The following KCNH8 variants were observed in gnomAD, a reference collection of about 807,000 sequenced individuals.
KCNH8 encodes potassium voltage-gated channel subfamily H member 8.
A neutral mutation model predicts 103.6 loss-of-function variants in KCNH8; 70 were observed. The ratio of observed to expected loss-of-function variants is 0.68; its 90% CI spans 0.56 to 0.82. The LOEUF (loss-of-function observed/expected upper bound fraction) is 0.82. Among genes scored for constraint, KCNH8 ranks in the 40% least tolerant of loss-of-function variants. The pLI is 0.00. For missense variants in KCNH8, 1,217 were observed against 1,329.9 expected (o/e 0.92, Z 1.32); for synonymous variants, 498 against 489.4 (o/e 1.02, Z -0.23).
rs550640856 is a variant in KCNH8, at chr3:19,397,145, A to T, written c.1177+1834A>T. On this transcript the variant is annotated intron_variant, in intron 7 of 15. Transcript: ENST00000328405. Reference sequence around the variant, plus strand: ...ATTTATTTGTCAATTAAAAAAAAACAATCTGAATTGCTTCTATATTTACCC... The same window carrying T: ...ATTTATTTGTCAATTAAAAAAAAACTATCTGAATTGCTTCTATATTTACCC... 2.0e-5 allele frequency among the ~76,000 whole-genome samples: 3 copies of T among 152,006 alleles called. No homozygotes were observed. The South Asian group carries it at 6.2e-4, about 32-fold the overall frequency.
chr3:19,418,679 C>G (rs2066898511), intron 7 of KCNH8, among the ~76,000 whole-genome samples: 1 of 152,096 alleles, frequency 6.6e-6, no homozygotes, highest in African/African-American at 2.4e-5. Flanking sequence ...AGTATGACCC[C>G]TAAGACATAC....
intron 1 of KCNH8, among the ~76,000 whole-genome samples, chr3:19,223,254 A>G (rs2063895179): frequency 6.6e-6 from 1 of 152,144 alleles, no homozygotes; most frequent in Non-Finnish European, 1.5e-5. Flanking sequence ...ACTCTGTACT[A>G]AGGTCTCAAC....
At chr3:19,397,322 G>A (rs555807125) in intron 7 of KCNH8, among the ~76,000 whole-genome samples, 2 of 151,790 alleles carry the variant, frequency 1.3e-5, no homozygotes, top group Admixed American at 1.3e-4. Flanking sequence ...TGTCATCATG[G>A]TTCCATTGCT....
chr3:19,325,296 A>G (rs1314428271), intron 3 of KCNH8, among the ~76,000 whole-genome samples: 1 of 152,190 alleles, frequency 6.6e-6, no homozygotes, highest in African/African-American at 2.4e-5. Flanking sequence ...ATGGGCAAAG[A>G]TTTCATGATG....
At chr3:19,395,457 A>G (rs746916806) in intron 7 of KCNH8, 146 bp downstream of exon 7, 3 of 558,990 alleles carry the variant, frequency 5.4e-6, no homozygotes, top group Non-Finnish European at 9.3e-6. Context: ...TGAATCCATG[A>G]CACAAGTAAT....
intron 1 of KCNH8, among the ~76,000 whole-genome samples, chr3:19,184,085 A>T (rs192206613): frequency 5.0e-4 from 76 of 152,216 alleles, no homozygotes; most frequent in South Asian, 8.3e-4. Flanking sequence ...TTTTAGAAAT[A>T]TGTTCTAGAA....
At chr3:19,364,779 G>C (rs1052178062) in intron 5 of KCNH8, among the ~76,000 whole-genome samples, 15 of 152,038 alleles carry the variant, frequency 9.9e-5, no homozygotes, top group African/African-American at 3.4e-4. Flanking sequence ...ACCTACTTAA[G>C]CACTTAAGCA....
At chr3:19,227,270 G>A (rs761104136) in intron 1 of KCNH8, among the ~76,000 whole-genome samples, 3 of 152,104 alleles carry the variant, frequency 2.0e-5, no homozygotes, top group Non-Finnish European at 2.9e-5. Context: ...CTGGGGCCAA[G>A]TTGCTATTTT....
chr3:19,347,647 AGT>A (rs1026460485), intron 4 of KCNH8, 76 bp from the exon 5 acceptor site: 20 of 1,531,394 alleles, frequency 1.3e-5, no homozygotes, highest in Non-Finnish European at 1.6e-5. Context: ...TACTCACAAA[AGT>A]GTGTGTTTCA....
chr3:19,445,362 G>A (rs1199884487), intron 8 of KCNH8, among the ~76,000 whole-genome samples: 1 of 151,752 alleles, frequency 6.6e-6, no homozygotes, highest in Non-Finnish European at 1.5e-5. Context: ...GAAGCCTCCA[G>A]GATACTAATA....
At chr3:19,449,300 ATATATATATATATATATACCCTGCT>A (rs1423464583) in intron 8 of KCNH8, among the ~76,000 whole-genome samples, 5 of 138,316 alleles carry the variant, frequency 3.6e-5, no homozygotes, top group Non-Finnish European at 6.1e-5. Flanking sequence ...CCATATATAT[ATATATATATATATATATACCCTGCT>A]GGTGCATCTC....
rs138563658 is a variant in KCNH8, at chr3:19,463,202, C to T, written c.2040+6220C>T. On this transcript the variant is annotated intron_variant, in intron 11 of 15. Coordinates refer to ENST00000328405, the MANE Select transcript of KCNH8 (RefSeq NM_144633.3). ...TCTGAGGATTTTCATATCTGCAGGA[C>T]GTCCTGGAACCAGTCTCTCAGATAC... 3.0e-3 allele frequency among the ~76,000 whole-genome samples: 459 copies of T among 152,176 alleles called. 3 individuals carry two copies. The highest frequency in any genetic ancestry group is 0.011 in the African/African-American group (446 of 41,554).
intron 11 of KCNH8, among the ~76,000 whole-genome samples, chr3:19,491,017 G>C (rs2068308465): frequency 6.6e-6 from 1 of 152,164 alleles, no homozygotes; most frequent in African/African-American, 2.4e-5. Context: ...GGCAGAATCT[G>C]GATTGGTATG....
rs991388573 is a variant in KCNH8, at chr3:19,290,050, C to G, written c.442+8721C>G. Among the ~76,000 whole-genome samples the G allele has an allele frequency of 7.1e-4, 108 of 152,158 alleles. 1 individual carries two copies. Among genetic ancestry groups the G allele is most frequent in the African/African-American group, 2.5e-3 (103 of 41,498 alleles). On this transcript the variant is annotated intron_variant, in intron 3 of 15. Coordinates refer to ENST00000328405, the MANE Select transcript of KCNH8 (RefSeq NM_144633.3). Reference sequence around the variant, plus strand: ...ACTCATGATTTGGCTCTCTGTTTGTCTGTTATTGGTGTATAAGAATGCTTG... The same window carrying G: ...ACTCATGATTTGGCTCTCTGTTTGTGTGTTATTGGTGTATAAGAATGCTTG...
At chr3:19,182,153 T>G (rs926385246) in intron 1 of KCNH8, among the ~76,000 whole-genome samples, 2 of 152,192 alleles carry the variant, frequency 1.3e-5, no homozygotes, top group Admixed American at 1.3e-4. Context: ...CATCAAGAGA[T>G]GGAATCTGCT....
intron 2 of KCNH8, among the ~76,000 whole-genome samples, chr3:19,279,076 A>G (rs1025176277): frequency 6.6e-6 from 1 of 152,084 alleles, no homozygotes; most frequent in African/African-American, 2.4e-5. Context: ...TGTCAACCAA[A>G]ATGTCAGATT....
intron 2 of KCNH8, among the ~76,000 whole-genome samples, chr3:19,280,558 G>A (rs2064742425): frequency 6.6e-6 from 1 of 151,968 alleles, no homozygotes; most frequent in African/African-American, 2.4e-5. Flanking sequence ...CATTATATTA[G>A]TGATATTCAT....
At chr3:19,283,854 G>T (rs762011823) in intron 3 of KCNH8, among the ~76,000 whole-genome samples, 19 of 150,174 alleles carry the variant, frequency 1.3e-4, no homozygotes, top group Non-Finnish European at 2.5e-4. Context: ...GAGGTGAGAG[G>T]ATCACTTCAG....
At chr3:19,522,828 A>T (rs1365895200) in intron 15 of KCNH8, among the ~76,000 whole-genome samples, 5 of 151,926 alleles carry the variant, frequency 3.3e-5, no homozygotes, top group South Asian at 4.1e-4. Flanking sequence ...AATTTTTTTT[A>T]AATTTTCCCA....
Sources: allele counts gnomAD v4.1 joint callset (sites outside exome capture counted in the v4.1 genomes callset), GRCh38; gene constraint gnomAD v4.1.1; transcripts MANE v1.5; gene names NCBI Gene and HGNC (gene_info 2026-07-23, HGNC 2026-07-21).